The following MSN variants were observed in gnomAD, a reference collection of about 807,000 sequenced individuals.
MSN encodes the protein moesin, also known as epididymis luminal protein 70.
In MSN, 2 loss-of-function variants were observed where a neutral mutation model predicts 48.0. The observed-to-expected ratio is 0.04, with a 90% CI of 0.02 to 0.13. MSN has a LOEUF of 0.13. MSN is among the 10% of genes least tolerant of loss of function. MSN has a pLI of 1.00. For synonymous variants in MSN, 146 were observed against 166.9 expected, an observed-to-expected ratio of 0.87 and a Z score of 0.97; for missense variants, 267 against 470.1, an observed-to-expected ratio of 0.57 and a Z score of 3.99.
chrX:65,638,294 A>G (rs770420351), intron 1 of MSN, among the ~76,000 whole-genome samples: 1 of 110,992 alleles, frequency 9.0e-6, no homozygotes, highest in Non-Finnish European at 1.9e-5. Context: ...TATGTGGAGA[A>G]CTCCTGCTCA....
At chrX:65,626,289 T>G (rs1237370378) in intron 1 of MSN, among the ~76,000 whole-genome samples, 1 of 112,273 alleles carries the variant, frequency 8.9e-6, no homozygotes, top group East Asian at 2.8e-4. Context: ...TTGTCTGGAC[T>G]TCCTTGAGGA....
intron 1 of MSN, among the ~76,000 whole-genome samples, chrX:65,613,129 G>T (rs1344774176): frequency 9.0e-6 from 1 of 111,156 alleles, no homozygotes; most frequent in Admixed American, 9.6e-5. Flanking sequence ...TGCTGTGTTT[G>T]ATTTTCTGTT....
intron 1 of MSN, among the ~76,000 whole-genome samples, chrX:65,644,360 T>C (rs748920133): frequency 2.3e-4 from 26 of 111,154 alleles, no homozygotes; most frequent in African/African-American, 8.2e-4. Flanking sequence ...ATCAAACAGA[T>C]GGAAAGATGG....
chrX:65,704,540 A>G, intron 1 of MSN, among the ~76,000 whole-genome samples: 1 of 111,204 alleles, frequency 9.0e-6, no homozygotes, highest in East Asian at 2.8e-4. Flanking sequence ...TAGTCTCCCT[A>G]GAATGGGTGG....
intron 1 of MSN, among the ~76,000 whole-genome samples, chrX:65,707,952 G>A (rs953000847): frequency 1.8e-5 from 2 of 111,708 alleles, no homozygotes; most frequent in Non-Finnish European, 3.8e-5. Flanking sequence ...TAGACCAATG[G>A]CCTTGTCCTC....
At chrX:65,701,699 G>A (rs771409200) in intron 1 of MSN, among the ~76,000 whole-genome samples, 19 of 112,003 alleles carry the variant, frequency 1.7e-4, no homozygotes, top group Admixed American at 2.8e-4. Context: ...TGCCATGGTG[G>A]CATCATTATG....
chrX:65,638,637 C>T (rs1484910820), intron 1 of MSN, among the ~76,000 whole-genome samples: 1 of 112,838 alleles, frequency 8.9e-6, no homozygotes, highest in African/African-American at 3.2e-5. Flanking sequence ...TCATGGCAAC[C>T]TCCACCTCCT....
In MSN at chrX:65,739,121, T is replaced by C. The variant is rs2071710408; in HGVS notation, c.1496T>C (p.Met499Thr). 8.3e-7 allele frequency: 1 copy of C among 1,210,439 alleles called. No individual in the cohort carries two copies. ...EASADLRADA[M>T]AKDRSEEERT... is the part of the protein sequence containing the mutation. ...AGTGCTGACCTACGGGCTGATGCTATGGCCAAGGACCGCAGTGAGGAGGAA... is the reference window on the plus strand; with the variant it reads ...AGTGCTGACCTACGGGCTGATGCTACGGCCAAGGACCGCAGTGAGGAGGAA... Residue 499 changes from methionine (M) to threonine (T), a missense_variant, in exon 12 of 13, where the codon ATG (methionine) becomes ACG (threonine). Around this residue, in one of 5 missense-constraint regions of MSN, gnomAD observed 48 missense variants for 115.5 expected, o/e 0.42. Coordinates refer to ENST00000360270, the MANE Select transcript of MSN (RefSeq NM_002444.3).
chrX:65,729,289 T>C (rs2071598744), intron 3 of MSN, 149 bp from the exon 4 acceptor site: 1 of 545,504 alleles, frequency 1.8e-6, no homozygotes, highest in African/African-American at 2.4e-5. Context: ...AAGTAATGTA[T>C]TATTTTTCTT....
chrX:65,700,224 C>T (rs759965310), intron 1 of MSN, among the ~76,000 whole-genome samples: 206 of 111,798 alleles, frequency 1.8e-3, no homozygotes, highest in Middle Eastern at 9.2e-3. Context: ...TTGCAACACT[C>T]CGGTGAGGTA....
At chrX:65,631,156 C>T (rs1436453094) in intron 1 of MSN, among the ~76,000 whole-genome samples, 1 of 108,256 alleles carries the variant, frequency 9.2e-6, no homozygotes, top group African/African-American at 3.4e-5. Flanking sequence ...AATGCAATGG[C>T]GCCATGTCTG....
At chrX:65,600,002 A>G (rs1373140918) in intron 1 of MSN, among the ~76,000 whole-genome samples, 3 of 104,317 alleles carry the variant, frequency 2.9e-5, no homozygotes, top group Non-Finnish European at 5.9e-5. Context: ...GCTGTTGTCC[A>G]GGTGACAGAT....
At chrX:65,675,754 C>T (rs2070991828) in intron 1 of MSN, among the ~76,000 whole-genome samples, 1 of 111,200 alleles carries the variant, frequency 9.0e-6, no homozygotes, top group Non-Finnish European at 1.9e-5. Context: ...TCTCGTTCCT[C>T]AGCCTCCCAA....
chrX:65,659,192 C>T (rs1429694407), intron 1 of MSN, among the ~76,000 whole-genome samples: 2 of 108,619 alleles, frequency 1.8e-5, no homozygotes, highest in Admixed American at 1.0e-4. Flanking sequence ...CATTCTGTTG[C>T]CCAGGCTGGA....
intron 1 of MSN, among the ~76,000 whole-genome samples, chrX:65,599,305 A>T (rs770963316): frequency 1.8e-5 from 2 of 110,844 alleles, no homozygotes; most frequent in East Asian, 5.7e-4. Flanking sequence ...CAAAAAAAAA[A>T]ATAATAATTT....
chrX:65,694,257 A>G (rs1267654468), intron 1 of MSN, among the ~76,000 whole-genome samples: 1 of 111,174 alleles, frequency 9.0e-6, no homozygotes, highest in Non-Finnish European at 1.9e-5. Context: ...AGGATTTGAG[A>G]TCAAATAATT....
chrX:65,602,905 C>G (rs2070248875), intron 1 of MSN, among the ~76,000 whole-genome samples: 1 of 111,496 alleles, frequency 9.0e-6, no homozygotes, highest in African/African-American at 3.3e-5. Flanking sequence ...TTAAAGACTA[C>G]TGTAACTGGT....
rs2071727268 is a variant in MSN, at chrX:65,740,616, G to T, written c.*723G>T. On this transcript the variant is annotated 3_prime_UTR_variant, in exon 13 of 13. Transcript: ENST00000360270. ...GGCATTGGCCATTCTATTGTGGCAAGGCTGAGTAGAAGATCCTACCCCAAT... is the reference window on the plus strand; with the variant it reads ...GGCATTGGCCATTCTATTGTGGCAATGCTGAGTAGAAGATCCTACCCCAAT... The T allele has an allele frequency of 1.7e-5, 3 of 173,867 alleles. No homozygotes were observed. The East Asian group carries it at 2.4e-4, about 14-fold the overall frequency. 14.3% of individuals were successfully genotyped at this position (173,867 alleles called of 1,213,427 possible). A position where few individuals can be genotyped will look rare whatever the true frequency, so the allele number is the denominator to read the frequency against.
chrX:65,713,445 G>A (rs1251976745), intron 1 of MSN, among the ~76,000 whole-genome samples: 1 of 111,334 alleles, frequency 9.0e-6, no homozygotes, highest in East Asian at 2.8e-4. Context: ...TAGAACCACC[G>A]ACATCAGCAC....
Sources: allele counts gnomAD v4.1 joint callset (sites outside exome capture counted in the v4.1 genomes callset), GRCh38; gene constraint gnomAD v4.1.1; regional missense constraint gnomAD v4.1.1; transcripts MANE v1.5; gene names NCBI Gene and HGNC (gene_info 2026-07-23, HGNC 2026-07-21).